The following CYFIP1 variants were observed in gnomAD, a reference collection of about 807,000 sequenced individuals.
CYFIP1 encodes the protein cytoplasmic FMR1-interacting protein 1.
A neutral mutation model predicts 163.5 loss-of-function variants in CYFIP1; 58 were observed. The ratio of observed to expected loss-of-function variants is 0.35; its 90% CI spans 0.29 to 0.44. The LOEUF (loss-of-function observed/expected upper bound fraction) is 0.44, where lower values mean the gene tolerates loss of function less well. Ranked by LOEUF, CYFIP1 falls within the 20% of genes least tolerant of loss-of-function variation. The probability of loss-of-function intolerance (pLI) is 1.00; values close to 1 mark genes in which losing one functional copy is unlikely to be tolerated. For synonymous variants in CYFIP1, 663 were observed against 660.7 expected (o/e 1.00, Z -0.05); for missense variants, 1,338 against 1,653.8 (o/e 0.81, Z 3.31).
At chr15:22,914,653 C>T (rs894234214) in intron 17 of CYFIP1, 73 bp downstream of exon 17, 48 of 1,474,074 alleles carry the variant, frequency 3.3e-5, no homozygotes, top group Middle Eastern at 2.1e-4. Flanking sequence ...CAGTCCCGGC[C>T]TCTCCGCCAC....
intron 1 of CYFIP1, among the ~76,000 whole-genome samples, chr15:22,969,911 C>T (rs929436282): frequency 3.7e-4 from 56 of 152,138 alleles, no homozygotes; most frequent in African/African-American, 1.3e-3. Context: ...AAAATTACTA[C>T]AAACATTATG....
chr15:22,943,127 C>A, intron 6 of CYFIP1, 46 bp downstream of exon 6: 1 of 1,587,384 alleles, frequency 6.3e-7, no homozygotes, highest in Non-Finnish European at 8.6e-7. Context: ...GGCCACTGAG[C>A]TGGGTGCTCT....
At chr15:22,897,429 T>C (rs1220489167) in intron 22 of CYFIP1, among the ~76,000 whole-genome samples, 2 of 151,896 alleles carry the variant, frequency 1.3e-5, no homozygotes, top group Non-Finnish European at 2.9e-5. Context: ...ATGGGCATAA[T>C]TCAGTACCTC....
intron 17 of CYFIP1, among the ~76,000 whole-genome samples, chr15:22,913,321 G>C (rs2060845361): frequency 6.6e-6 from 1 of 151,318 alleles, no homozygotes. Context: ...TTGAGGTCAG[G>C]AGTTCGAGAC....
In CYFIP1 at chr15:22,964,883, G is replaced by A. The variant is rs112822141; in HGVS notation, c.-7+15404C>T. 1.0e-3 allele frequency among the ~76,000 whole-genome samples: 157 copies of A among 152,264 alleles called. 2 individuals carry two copies. Among genetic ancestry groups the A allele is most frequent in the African/African-American group, 2.4e-3 (101 of 41,538 alleles). ...CCCTCATTCTACTCTCTGCTTCTAT[G>A]AGCTCAAATTTTCTAGATTCCACAT... On this transcript the variant is annotated intron_variant, in intron 1 of 30. Coordinates refer to ENST00000617928, the MANE Select transcript of CYFIP1 (RefSeq NM_014608.6).
At chr15:22,929,753 G>A (rs1215898718) in intron 11 of CYFIP1, among the ~76,000 whole-genome samples, 1 of 149,966 alleles carries the variant, frequency 6.7e-6, no homozygotes, top group African/African-American at 2.5e-5. Context: ...GGCTAACACA[G>A]TGAAACCCCA....
intron 11 of CYFIP1, 113 bp from the exon 12 acceptor site, chr15:22,928,141 T>C: frequency 7.8e-7 from 1 of 1,276,754 alleles, no homozygotes; most frequent in Non-Finnish European, 1.0e-6. Flanking sequence ...AAATAAGAAA[T>C]GCAGGAGGCC....
intron 1 of CYFIP1, among the ~76,000 whole-genome samples, chr15:22,967,836 G>A (rs916712184): frequency 1.3e-4 from 20 of 152,226 alleles, no homozygotes; most frequent in Middle Eastern, 3.4e-3. Flanking sequence ...AGGAGTTCAT[G>A]ACCAGCCTGG....
intron 1 of CYFIP1, among the ~76,000 whole-genome samples, chr15:22,961,806 A>T (rs1030061835): frequency 2.0e-5 from 3 of 152,162 alleles, no homozygotes; most frequent in African/African-American, 7.2e-5. Context: ...AACGTTAAAG[A>T]TATTAAAGCT....
chr15:22,874,260 C>T (rs2059519422), intron 28 of CYFIP1, among the ~76,000 whole-genome samples: 1 of 152,210 alleles, frequency 6.6e-6, no homozygotes, highest in Admixed American at 6.5e-5. Context: ...TCTTAAACAC[C>T]TATGGGAAAG....
In CYFIP1 at chr15:22,918,766, C is replaced by T. The variant is rs141513730; in HGVS notation, c.1452G>A (p.Leu484=). The T allele has an allele frequency of 3.0e-5, 49 of 1,613,550 alleles. No homozygotes were observed. Among genetic ancestry groups the T allele is most frequent in the Non-Finnish European group, 3.8e-5 (45 of 1,179,870 alleles). The change falls in exon 14 of 31, where the codon CTG becomes CTA. Residue 484 remains leucine, a synonymous_variant. Coordinates refer to ENST00000617928, the MANE Select transcript of CYFIP1 (RefSeq NM_014608.6). ...TAAGGGTCACCTGGGAGAAGTCCTG[C>T]AGTGCGGCATAGACGGTGTGCCGGA... is the stretch of plus-strand genomic sequence containing the variant. The part of the protein sequence containing the change: ...HAIRHTVYAA[L]QDFSQVTLRE...
intron 6 of CYFIP1, among the ~76,000 whole-genome samples, chr15:22,941,058 CCTTT>C (rs1395615249): frequency 2.0e-5 from 3 of 152,064 alleles, no homozygotes; most frequent in African/African-American, 7.2e-5. Context: ...AACCATGTTT[CCTTT>C]TTTTTTAAAT....
Position 22,870,210 on chromosome 15 carries a change from A to G in CYFIP1, c.3598-18T>C. The stretch of plus-strand genomic sequence containing the variant: ...TTCAAAGGCTACAACCATCAAAGTG[A>G]GGATGTTTTACTATTAACACTTCAA... On this transcript the variant is annotated intron_variant, in intron 30 of 30. Coordinates refer to ENST00000617928, the MANE Select transcript of CYFIP1 (RefSeq NM_014608.6). 6 of 1,597,408 alleles carry G rather than the reference A, an allele frequency of 3.8e-6. No homozygotes were observed. Among genetic ancestry groups the G allele is most frequent in the Non-Finnish European group, 5.1e-6 (6 of 1,174,120 alleles).
At position 22,895,443 on chromosome 15, in the gene CYFIP1, G is replaced by A. The variant is rs114737475; in HGVS notation, c.2589-2466C>T. 9.7e-3 allele frequency among the ~76,000 whole-genome samples: 1,473 copies of A among 152,244 alleles called. 28 individuals are homozygous for A. The highest frequency in any genetic ancestry group is 0.033 in the African/African-American group (1,376 of 41,552). On this transcript the variant is annotated intron_variant, in intron 22 of 30. Transcript: ENST00000617928. ...CGGTATTACAGGTGTGAGCCACTACGCTCGGCCTCTATATTTCTAAATAAT... is the reference window on the plus strand; with the variant it reads ...CGGTATTACAGGTGTGAGCCACTACACTCGGCCTCTATATTTCTAAATAAT...
chr15:22,872,898 G>C lies in CYFIP1; in HGVS notation c.3524C>G (p.Ala1175Gly). The C allele has an allele frequency of 6.2e-7, 1 of 1,614,134 alleles. No homozygotes were observed. The highest frequency in any genetic ancestry group is 8.5e-7 in the Non-Finnish European group (1 of 1,179,972). The change falls in exon 30 of 31, where the codon GCT becomes GGT. Residue 1175 changes from alanine (A) to glycine (G), a missense_variant. Physicochemically the swap from Ala to Gly is moderately conservative, Grantham distance 60. This residue lies in a region of CYFIP1 where 306 missense variants were observed against 322.1 expected (regional missense o/e 0.95). Coordinates refer to ENST00000617928, the MANE Select transcript of CYFIP1 (RefSeq NM_014608.6). ...IVLLGQQRRF[A>G]VLDFCYHLLK... is the part of the protein sequence containing the mutation. Reference sequence around the variant, plus strand: ...TAGATGGTAGCAGAAATCCAGCACAGCAAAACGCCGCTGCTGCCCAAGAAG... The same window carrying C: ...TAGATGGTAGCAGAAATCCAGCACACCAAAACGCCGCTGCTGCCCAAGAAG...
chr15:22,943,304 G>A lies in CYFIP1; in HGVS notation c.438C>T (p.Ala146=), dbSNP rs147144146. Residue 146 remains alanine (A), a synonymous_variant, in exon 6 of 31, where the codon GCC becomes GCT. Coordinates refer to ENST00000617928, the MANE Select transcript of CYFIP1 (RefSeq NM_014608.6). ...FCGEVRRLCH[A]ERRKDFVSEA... is the part of the protein sequence containing the mutation. ...CTGACACGAAGTCCTTCCTCCTCTC[G>A]GCATGGCACAGGCGCCTCACTTCCC... 2.3e-5 allele frequency: 37 copies of A among 1,614,036 alleles called. No homozygotes were observed. The African/African-American group carries it at 2.7e-4, about 12-fold the overall frequency.
At position 22,893,183 on chromosome 15, in the gene CYFIP1, G is replaced by A. The variant is rs111609528; in HGVS notation, c.2589-206C>T. On this transcript the variant is annotated intron_variant, in intron 22 of 30. Coordinates refer to ENST00000617928, the MANE Select transcript of CYFIP1 (RefSeq NM_014608.6). ...ATAATAAATGCACCCAAAGCTCAGGGGCCACAGCAGGAACACCCGGGGTCT... is the reference window on the plus strand; with the variant it reads ...ATAATAAATGCACCCAAAGCTCAGGAGCCACAGCAGGAACACCCGGGGTCT... Among the ~76,000 whole-genome samples the A allele has an allele frequency of 1.1e-3, 168 of 152,230 alleles. 2 individuals carry two copies. Among genetic ancestry groups the A allele is most frequent in the African/African-American group, 3.8e-3 (158 of 41,514 alleles).
At chr15:22,892,492 C>T (rs2060109916) in intron 23 of CYFIP1, among the ~76,000 whole-genome samples, 1 of 152,156 alleles carries the variant, frequency 6.6e-6, no homozygotes. Context: ...TCAGGCCTTA[C>T]AGCCACCCTG....
At chr15:22,970,153 G>A (rs2063042732) in intron 1 of CYFIP1, among the ~76,000 whole-genome samples, 1 of 152,142 alleles carries the variant, frequency 6.6e-6, no homozygotes, top group African/African-American at 2.4e-5. Flanking sequence ...TCCAAAAGAT[G>A]AAGAATGTAG....
Sources: gnomAD v4.1 joint callset for allele counts (sites outside exome capture counted in the v4.1 genomes callset) on GRCh38, gnomAD v4.1.1 for gene constraint, gnomAD v4.1.1 regional missense constraint, MANE v1.5 for transcripts, NCBI Gene and HGNC (gene_info 2026-07-23, HGNC 2026-07-21) for gene names.